The following SLC16A1 variants were observed in gnomAD, a reference collection of about 807,000 sequenced individuals.
SLC16A1 encodes solute carrier family 16 member 1, also known as monocarboxylate transporter 1.
SLC16A1 carries 11 observed loss-of-function variants against 32.2 expected under a neutral mutation model. The observed-to-expected ratio is 0.34, with a 90% confidence interval of 0.21 to 0.56. The LOEUF (loss-of-function observed/expected upper bound fraction) is 0.56, where lower values mean the gene tolerates loss of function less well. Ranked by LOEUF, SLC16A1 falls within the 20% of genes least tolerant of loss-of-function variation. The pLI is 0.87. For synonymous variants in SLC16A1, 231 were observed against 226.8 expected, an observed-to-expected ratio of 1.02 and a Z score of -0.17; for missense variants, 435 against 615.0, an observed-to-expected ratio of 0.71 and a Z score of 3.10.
At chr1:112,939,314 A>G (rs188276638) in intron 1 of SLC16A1, among the ~76,000 whole-genome samples, 1 of 152,212 alleles carries the variant, frequency 6.6e-6, no homozygotes, top group Non-Finnish European at 1.5e-5. Context: ...ATGCAAAACA[A>G]TATGAAGATT....
chr1:112,914,591 T>C (rs1265279157), intron 4 of SLC16A1, among the ~76,000 whole-genome samples: 1 of 152,208 alleles, frequency 6.6e-6, no homozygotes, highest in Non-Finnish European at 1.5e-5. Flanking sequence ...TAAACACTTG[T>C]CCAGTGCTAA....
chr1:112,924,545 A>G (rs1648866500), intron 2 of SLC16A1, among the ~76,000 whole-genome samples: 1 of 152,200 alleles, frequency 6.6e-6, no homozygotes, highest in African/African-American at 2.4e-5. Flanking sequence ...ATAAAAGAAT[A>G]CCTGAGACCG....
In SLC16A1 at chr1:112,956,140, G is replaced by C. The variant is rs1274163898; in HGVS notation, c.-150C>G. 2 of 152,302 alleles carry C rather than the reference G, an allele frequency of 1.3e-5. No homozygotes were observed. Among genetic ancestry groups the C allele is most frequent in the Admixed American group, 1.3e-4 (2 of 15,286 alleles). The allele number at this position is 152,302 out of a possible 1,614,324, so 9.4% of individuals were successfully genotyped here. The stretch of plus-strand genomic sequence containing the variant: ...GCTCCCGTCCTTCGCTCGCTGCCTC[G>C]TTTGCTTGTTCCAGTACCCACGCAG... On this transcript the variant is annotated 5_prime_UTR_variant, in exon 1 of 5. Transcript: ENST00000369626.
chr1:112,914,204 G>C, intron 4 of SLC16A1, 39 bp from the exon 5 acceptor site: 1 of 1,612,156 alleles, frequency 6.2e-7, no homozygotes, highest in Non-Finnish European at 8.5e-7. Context: ...GTTTCTAAGA[G>C]TAAACAGTTT....
chr1:112,925,800 T>C (rs1269732921), intron 2 of SLC16A1, among the ~76,000 whole-genome samples: 2 of 152,234 alleles, frequency 1.3e-5, no homozygotes, highest in African/African-American at 4.8e-5. Context: ...ACATATTGAA[T>C]GTACATATAT....
chr1:112,955,623 G>A (rs931758428), intron 1 of SLC16A1: 2 of 152,308 alleles, frequency 1.3e-5, no homozygotes, highest in South Asian at 2.1e-4. Context: ...CTTCCCTTGG[G>A]GCAGAAGCGG....
intron 1 of SLC16A1, among the ~76,000 whole-genome samples, chr1:112,936,897 T>C (rs956992024): frequency 1.3e-5 from 2 of 152,180 alleles, no homozygotes; most frequent in African/African-American, 4.8e-5. Context: ...TTCATCTACC[T>C]AGGATTTGGG....
chr1:112,922,482 T>G (rs1481099842), intron 2 of SLC16A1: 1 of 312,230 alleles, frequency 3.2e-6, no homozygotes, highest in Non-Finnish European at 6.1e-6. Flanking sequence ...TTAACATGTA[T>G]GTAGAAAGTG....
chr1:112,928,815 T>TAAAAGACTG (rs1339051108), intron 2 of SLC16A1, among the ~76,000 whole-genome samples: 2 of 152,178 alleles, frequency 1.3e-5, no homozygotes, highest in African/African-American at 4.8e-5. Context: ...ATACATCATT[T>TAAAAGACTG]TTATAACAGT....
At chr1:112,919,150 C>T (rs904862935) in intron 3 of SLC16A1, among the ~76,000 whole-genome samples, 1 of 151,996 alleles carries the variant, frequency 6.6e-6, no homozygotes, top group East Asian at 1.9e-4. Flanking sequence ...CCTGGCTCAG[C>T]CTCCCGAGTA....
chr1:112,917,345 A>G lies in SLC16A1; in HGVS notation c.1061T>C (p.Val354Ala). Residue 354 changes from valine to alanine, a missense_variant, in exon 4 of 5, where the codon GTT (valine) becomes GCT (alanine). Val to Ala is a moderately conservative substitution (Grantham distance 64). Transcript: ENST00000369626. The surrounding 1 kb of genome is among the most constrained non-coding windows in gnomAD (Gnocchi z 4.1). Reference sequence around the variant, plus strand: ...GAATCCCGCATAGACACAGAATCCAACATAGGTAGTGGATAAAGGTGCTAG... The same window carrying G: ...GAATCCCGCATAGACACAGAATCCAGCATAGGTAGTGGATAAAGGTGCTAG... Reference protein sequence around the residue: ...HMLAPLSTTYVGFCVYAGFFG... With the variant: ...HMLAPLSTTYAGFCVYAGFFG... The G allele has an allele frequency of 6.2e-7, 1 of 1,614,220 alleles. No homozygotes were observed. Among genetic ancestry groups the G allele is most frequent in the Non-Finnish European group, 8.5e-7 (1 of 1,180,042 alleles).
At chr1:112,941,710 T>C (rs1649518925) in intron 1 of SLC16A1, among the ~76,000 whole-genome samples, 1 of 152,212 alleles carries the variant, frequency 6.6e-6, no homozygotes, top group Non-Finnish European at 1.5e-5. Context: ...TACAGGACCA[T>C]AAAACATACG....
chr1:112,946,976 C>G (rs1393336465), intron 1 of SLC16A1, among the ~76,000 whole-genome samples: 1 of 152,176 alleles, frequency 6.6e-6, no homozygotes, highest in Non-Finnish European at 1.5e-5. Context: ...TGGCTACTAC[C>G]TAAGTTGAGA....
intron 1 of SLC16A1, among the ~76,000 whole-genome samples, chr1:112,937,495 G>C (rs1491002498): frequency 6.6e-6 from 1 of 151,766 alleles, no homozygotes; most frequent in Non-Finnish European, 1.5e-5. Context: ...CTGACAAATG[G>C]CTATCCCTGT....
intron 1 of SLC16A1, among the ~76,000 whole-genome samples, chr1:112,951,820 CAT>C (rs1261867079): frequency 6.6e-6 from 1 of 152,170 alleles, no homozygotes; most frequent in Non-Finnish European, 1.5e-5. Flanking sequence ...GTCTCAATAA[CAT>C]AGCATATTGT....
At chr1:112,955,678 C>T (rs1355583728) in intron 1 of SLC16A1, 1 of 152,286 alleles carries the variant, frequency 6.6e-6, no homozygotes, top group Non-Finnish European at 1.5e-5. Flanking sequence ...TCATGTTATC[C>T]CTTTTCCAGA....
Position 112,922,955 on chromosome 1 carries a change from A to G in SLC16A1, c.218-822T>C, listed in dbSNP as rs561189617. 1.1e-4 allele frequency among the ~76,000 whole-genome samples: 16 copies of G among 151,986 alleles called. 1 individual carries two copies. In the South Asian group the frequency reaches 3.3e-3, roughly 32 times the overall value. On this transcript the variant is annotated intron_variant, in intron 2 of 4. Coordinates refer to ENST00000369626, the MANE Select transcript of SLC16A1 (RefSeq NM_003051.4). The stretch of plus-strand genomic sequence containing the variant: ...GAGACGGAGTCTCACTCTGTCACCC[A>G]AGCTGGAGTGCAGTGGCCTGATCTC...
At chr1:112,932,095 C>G (rs569485565) in intron 1 of SLC16A1, among the ~76,000 whole-genome samples, 1 of 152,222 alleles carries the variant, frequency 6.6e-6, no homozygotes, top group East Asian at 1.9e-4. Flanking sequence ...CTGGACATTG[C>G]GGGAGTATGA....
At chr1:112,946,675 T>A (rs903730616) in intron 1 of SLC16A1, among the ~76,000 whole-genome samples, 1 of 152,160 alleles carries the variant, frequency 6.6e-6, no homozygotes, top group Non-Finnish European at 1.5e-5. Flanking sequence ...TGCCTCAGCC[T>A]CCCAAGTAGC....
Sources: gnomAD v4.1 joint callset for allele counts (sites outside exome capture counted in the v4.1 genomes callset) on GRCh38, gnomAD v4.1.1 for gene constraint, Gnocchi (gnomAD v3.1) non-coding constraint, MANE v1.5 for transcripts, NCBI Gene and HGNC (gene_info 2026-07-23, HGNC 2026-07-21) for gene names.